The following DMC1 variants were observed in gnomAD, a reference collection of about 807,000 sequenced individuals.
The protein encoded by DMC1 is meiotic recombination protein DMC1 homolog.
DMC1 carries 27 observed loss-of-function variants against 50.1 expected under a neutral mutation model. The ratio of observed to expected loss-of-function variants is 0.54; its 90% confidence interval spans 0.40 to 0.74. The LOEUF (loss-of-function observed/expected upper bound fraction) is 0.74, where lower values mean the gene tolerates loss of function less well. Ranked by LOEUF, DMC1 falls within the 30% of genes least tolerant of loss-of-function variation. The pLI is 0.00. For synonymous variants in DMC1, 148 were observed against 136.1 expected (o/e 1.09, Z -0.61); for missense variants, 295 against 420.2 (o/e 0.70, Z 2.60).
At chr22:38,563,763 G>T (rs545723982) in intron 4 of DMC1, among the ~76,000 whole-genome samples, 2 of 151,384 alleles carry the variant, frequency 1.3e-5, no homozygotes, top group South Asian at 4.2e-4. Flanking sequence ...GCAGTGGCGC[G>T]ATCTCAGCTC....
chr22:38,513,209 A>G, the DMC1 span, among the ~76,000 whole-genome samples: 1 of 152,184 alleles, frequency 6.6e-6, no homozygotes, highest in Non-Finnish European at 1.5e-5. Flanking sequence ...TAGCAGCAGG[A>G]ACAGCCTGGT....
chr22:38,566,274 G>GA (rs547899560), intron 4 of DMC1, among the ~76,000 whole-genome samples: 7,288 of 67,524 alleles, frequency 0.11, 430 homozygotes, highest in African/African-American at 0.21. Context: ...CTCTGTCTCA[G>GA]AAAAAAAAAA....
Position 38,552,652 on chromosome 22 carries a change from T to TTA in DMC1, c.421+12_421+13dup. ...GCCATGATTATTATTGTTATTGTTG[T>TTA]TATATATCCTTACCACAGAGGGTAT... is the stretch of plus-strand genomic sequence containing the variant. On this transcript the variant is annotated intron_variant, in intron 7 of 13. Transcript: ENST00000216024. 6.5e-7 allele frequency: 1 copy of TTA among 1,540,654 alleles called. No individual in the cohort carries two copies. Among genetic ancestry groups the TTA allele is most frequent in the South Asian group, 1.1e-5 (1 of 89,322 alleles).
intron 8 of DMC1, among the ~76,000 whole-genome samples, chr22:38,545,469 C>T (rs1270443549): frequency 2.6e-5 from 4 of 152,080 alleles, no homozygotes; most frequent in Non-Finnish European, 4.4e-5. Flanking sequence ...GTCGCCCAGG[C>T]CGGACTGCAG....
Position 38,566,644 on chromosome 22 carries a change from T to C in DMC1, c.189A>G (p.Lys63=). The change falls in exon 4 of 14, where the codon AAA becomes AAG. Residue 63 remains lysine (K), a synonymous_variant. Coordinates refer to ENST00000216024, the MANE Select transcript of DMC1 (RefSeq NM_007068.4). ...TGTCTACTTTGGCTTCTGAGAGTCC[T>C]TTGACATTGCATAGAGCTCTTCTTG... ...MTTRRALCNV[K]GLSEAKVDKI... is the part of the protein sequence containing the mutation. 1 of 1,614,150 alleles carries C rather than the reference T, an allele frequency of 6.2e-7. No homozygotes were observed. The highest frequency in any genetic ancestry group is 8.5e-7 in the Non-Finnish European group (1 of 1,179,964).
At chr22:38,515,489 A>AG (rs1251451527), downstream of DMC1, among the ~76,000 whole-genome samples, 1 of 150,136 alleles carries the variant, frequency 6.7e-6, no homozygotes, top group African/African-American at 2.5e-5. Flanking sequence ...AAAAAAAAAA[A>AG]AAGAAAGAAA....
intron 12 of DMC1, among the ~76,000 whole-genome samples, chr22:38,530,472 G>C (rs1017825551): frequency 6.6e-6 from 1 of 151,764 alleles, no homozygotes; most frequent in Non-Finnish European, 1.5e-5. Context: ...TCTTTTTTGC[G>C]GGGGGAGGTG....
chr22:38,520,200 A>G (rs945570449), intron 13 of DMC1, 111 bp from the exon 14 acceptor site: 4 of 919,842 alleles, frequency 4.3e-6, no homozygotes, highest in Admixed American at 3.8e-5. Context: ...GAGACATCTC[A>G]GAGTTGGTAC....
At position 38,519,776 on chromosome 22, in the gene DMC1, G is replaced by A. The variant is rs1413550256; in HGVS notation, c.*244C>T. The A allele has an allele frequency of 2.4e-5, 11 of 459,410 alleles. No individual in the cohort carries two copies. In the East Asian group the frequency reaches 4.8e-4, roughly 20 times the overall value. The allele number at this position is 459,410 out of a possible 1,614,324, so 28.5% of individuals were successfully genotyped here. Reference sequence around the variant, plus strand: ...TATATATATCTACTATATATGTCAGGTATACACACACAAACACACACACAC... The same window carrying A: ...TATATATATCTACTATATATGTCAGATATACACACACAAACACACACACAC... On this transcript the variant is annotated 3_prime_UTR_variant, in exon 14 of 14. Coordinates refer to ENST00000216024, the MANE Select transcript of DMC1 (RefSeq NM_007068.4).
At position 38,568,240 on chromosome 22, in the gene DMC1, A is replaced by T. The variant is rs749253731; in HGVS notation, c.17T>A (p.Val6Asp). 1 of 1,614,160 alleles carries T rather than the reference A, an allele frequency of 6.2e-7. No homozygotes were observed. The highest frequency in any genetic ancestry group is 8.5e-7 in the Non-Finnish European group (1 of 1,180,016). Residue 6 changes from valine to aspartate, a missense_variant, in exon 2 of 14, where the codon GTT (valine) becomes GAT (aspartate). By Grantham distance (152) the Val-to-Asp change is radical. Transcript: ENST00000216024. ...TTGGAATCCTGGTTCTTCCGCCACA[A>T]CTTGATCCTCCTTCATATTGAAAAG... MKEDQVVAEEPGFQDE... is the reference protein window; with the variant it reads MKEDQDVAEEPGFQDE...
chr22:38,522,929 G>C (rs571956174), intron 12 of DMC1, among the ~76,000 whole-genome samples: 5 of 152,262 alleles, frequency 3.3e-5, no homozygotes, highest in African/African-American at 1.2e-4. Context: ...AAGACCCCTG[G>C]TTGGTGCTGA....
intron 8 of DMC1, among the ~76,000 whole-genome samples, chr22:38,542,508 A>T (rs112898075): frequency 1.1e-4 from 16 of 152,314 alleles, no homozygotes; most frequent in African/African-American, 3.6e-4. Context: ...GAAGTGAAGG[A>T]TCTCTACAAT....
chr22:38,521,492 C>T (rs1313568300), intron 13 of DMC1, 116 bp downstream of exon 13: 6 of 703,034 alleles, frequency 8.5e-6, no homozygotes, highest in Non-Finnish European at 1.5e-5. Flanking sequence ...TTGCTTGAGC[C>T]TAGGAGTTTG....
rs549366829 is a variant in DMC1, at chr22:38,545,803, T to C, written c.494+4122A>G. 6 of 152,274 alleles carry C rather than the reference T, an allele frequency of 3.9e-5. No individual in the cohort carries two copies. The East Asian group carries it at 1.2e-3, about 29-fold the overall frequency. The allele number at this position is 152,274 out of a possible 1,614,324, so 9.4% of individuals were successfully genotyped here. Reference sequence around the variant, plus strand: ...ATAAATATTTATTAACCAATTACCATATGGAATTAATTACCATATTAATCA... The same window carrying C: ...ATAAATATTTATTAACCAATTACCACATGGAATTAATTACCATATTAATCA... On this transcript the variant is annotated intron_variant, in intron 8 of 13. Transcript: ENST00000216024.
downstream of DMC1, among the ~76,000 whole-genome samples, chr22:38,517,715 T>C (rs978724671): frequency 6.6e-6 from 1 of 152,250 alleles, no homozygotes; most frequent in African/African-American, 2.4e-5. Context: ...TATATTTGCA[T>C]ACGAAAATAA....
At chr22:38,565,954 A>C (rs921205532) in intron 4 of DMC1, among the ~76,000 whole-genome samples, 1 of 152,308 alleles carries the variant, frequency 6.6e-6, no homozygotes, top group East Asian at 1.9e-4. Context: ...TGAGGAGACA[A>C]GACAAAACTG....
chr22:38,566,587 T>C lies in DMC1; in HGVS notation c.243+3A>G, dbSNP rs1268766693. 3 of 1,614,188 alleles carry C rather than the reference T, an allele frequency of 1.9e-6. No homozygotes were observed. The highest frequency in any genetic ancestry group is 2.5e-6 in the Non-Finnish European group (3 of 1,180,010). On this transcript the variant is annotated splice_donor_region_variant and intron_variant, in intron 4 of 13. Coordinates refer to ENST00000216024, the MANE Select transcript of DMC1 (RefSeq NM_007068.4). ...AAAACAGCAAAGAATGGATTTTGCT[T>C]ACAATTAGTTTGTTCGCTGCCTCTT...
At chr22:38,536,626 T>C (rs117655316) in intron 12 of DMC1, among the ~76,000 whole-genome samples, 3,422 of 152,270 alleles carry the variant, frequency 0.022, 50 homozygotes, top group Middle Eastern at 0.051. Context: ...TTTTTGTTTT[T>C]ATGAATGGTG....
intron 12 of DMC1, among the ~76,000 whole-genome samples, chr22:38,533,503 G>A (rs963400008): frequency 6.6e-6 from 1 of 151,608 alleles, no homozygotes; most frequent in Non-Finnish European, 1.5e-5. Context: ...CTTAAAGAGA[G>A]ACACATTCAT....
Sources: allele counts gnomAD v4.1 joint callset (sites outside exome capture counted in the v4.1 genomes callset), GRCh38; gene constraint gnomAD v4.1.1; transcripts MANE v1.5; gene names NCBI Gene and HGNC (gene_info 2026-07-23, HGNC 2026-07-21).